VWA8: variants seen among roughly 807,000 people sequenced by gnomAD.
VWA8 encodes the protein von Willebrand factor A domain containing 8.
VWA8 carries 221 observed loss-of-function variants against 241.5 expected under a neutral mutation model. That is an observed-to-expected ratio of 0.91 (90% CI 0.82 to 1.02). The LOEUF (loss-of-function observed/expected upper bound fraction) is 1.02, where lower values mean the gene tolerates loss of function less well. Ranked by LOEUF, VWA8 falls within the 50% of genes least tolerant of loss-of-function variation. The probability of loss-of-function intolerance (pLI) is 0.00; values close to 1 mark genes in which losing one functional copy is unlikely to be tolerated. For missense variants in VWA8, 2,322 were observed against 2,328.7 expected (o/e 1.00, Z 0.06); for synonymous variants, 852 against 827.1 (o/e 1.03, Z -0.52).
chr13:41,675,269 T>C lies in VWA8; in HGVS notation c.4355A>G (p.Tyr1452Cys), dbSNP rs749766901. 4 of 1,613,132 alleles carry C rather than the reference T, an allele frequency of 2.5e-6. No individual in the cohort carries two copies. The highest frequency in any genetic ancestry group is 1.7e-5 in the Admixed American group (1 of 59,942). Residue 1452 changes from tyrosine to cysteine, a missense_variant, in exon 36 of 45, where the codon TAT becomes TGT. Tyr to Cys is a radical substitution (Grantham distance 194). Coordinates refer to ENST00000379310, the MANE Select transcript of VWA8 (RefSeq NM_015058.2). ...KDVTPPQTSG[Y>C]IEVTDLQSKK... is the part of the protein sequence containing the mutation. ...TGATTGAAGATCAGTGACTTCTATA[T>C]AACCAGATGTTTGTGGAGGAGTAAC...
chr13:41,607,886 T>C (rs1405293014), intron 39 of VWA8, among the ~76,000 whole-genome samples: 1 of 152,054 alleles, frequency 6.6e-6, no homozygotes, highest in African/African-American at 2.4e-5. Flanking sequence ...AAGGTACTGA[T>C]ATTAGGACAG....
intron 21 of VWA8, among the ~76,000 whole-genome samples, chr13:41,747,582 C>G (rs534739601): frequency 4.7e-4 from 72 of 152,270 alleles, no homozygotes; most frequent in Admixed American, 4.6e-3. Flanking sequence ...TAATCGAATA[C>G]CCTTTATTTC....
chr13:41,873,033 A>C (rs941929900), intron 9 of VWA8, among the ~76,000 whole-genome samples: 1 of 152,156 alleles, frequency 6.6e-6, no homozygotes, highest in Non-Finnish European at 1.5e-5. Flanking sequence ...ATCCCTTATA[A>C]GGTGGATTCC....
At chr13:41,612,454 A>C (rs1277235544) in intron 38 of VWA8, among the ~76,000 whole-genome samples, 1 of 152,256 alleles carries the variant, frequency 6.6e-6, no homozygotes, top group Non-Finnish European at 1.5e-5. Flanking sequence ...ATAACATAAC[A>C]TTGTATGAAC....
At chr13:41,720,436 A>G (rs1351143046) in intron 25 of VWA8, among the ~76,000 whole-genome samples, 1 of 152,132 alleles carries the variant, frequency 6.6e-6, no homozygotes, top group African/African-American at 2.4e-5. Context: ...ATAACTGTAT[A>G]TATTTATGGG....
rs530244957 is a variant in VWA8 at position 41,621,192 on chromosome 13, A to T, written c.4612-6108T>A. ...CTTTTAGTATAATATTTAATAAGTT[A>T]TATGAGATATTCAACACTTTATTAT... On this transcript the variant is annotated intron_variant, in intron 37 of 44. Transcript: ENST00000379310. 3.4e-4 allele frequency among the ~76,000 whole-genome samples: 52 copies of T among 152,362 alleles called. 1 individual carries two copies. The South Asian group carries it at 0.011, about 31-fold the overall frequency.
intron 30 of VWA8, among the ~76,000 whole-genome samples, 158 bp from the exon 31 acceptor site, chr13:41,692,096 T>C (rs531077963): frequency 6.6e-6 from 1 of 152,214 alleles, no homozygotes; most frequent in Admixed American, 6.6e-5. Context: ...ACTCTTATGG[T>C]AAAATGGATT....
chr13:41,953,813 A>G (rs1446580355), intron 1 of VWA8, among the ~76,000 whole-genome samples: 1 of 151,950 alleles, frequency 6.6e-6, no homozygotes, highest in Non-Finnish European at 1.5e-5. Flanking sequence ...CTGTGTCAAA[A>G]AAAATTAAAA....
intron 9 of VWA8, among the ~76,000 whole-genome samples, chr13:41,882,252 C>T (rs9594645): frequency 0.26 from 38,582 of 149,802 alleles, 5,497 homozygotes; most frequent in Non-Finnish European, 0.31. Flanking sequence ...GGATGGCGAC[C>T]GGGAAGAGGC....
intron 14 of VWA8, among the ~76,000 whole-genome samples, chr13:41,823,125 A>T (rs548835725): frequency 8.5e-5 from 13 of 152,272 alleles, no homozygotes; most frequent in East Asian, 5.8e-4. Flanking sequence ...GAATTTTTTT[A>T]AAAAATTTAT....
chr13:41,903,094 T>G (rs1230418481), intron 4 of VWA8, among the ~76,000 whole-genome samples: 2 of 152,112 alleles, frequency 1.3e-5, no homozygotes, highest in African/African-American at 4.8e-5. Flanking sequence ...ATAAAATAAA[T>G]GCAAAGGCCT....
At chr13:41,960,798 G>A in intron 1 of VWA8, 55 bp downstream of exon 1, 1 of 1,474,474 alleles carries the variant, frequency 6.8e-7, no homozygotes, top group Non-Finnish European at 8.9e-7. Flanking sequence ...GGCGCGCGGG[G>A]ACCCGGCACG....
At chr13:41,731,570 C>T (rs2045483851) in intron 22 of VWA8, among the ~76,000 whole-genome samples, 1 of 152,154 alleles carries the variant, frequency 6.6e-6, no homozygotes, top group African/African-American at 2.4e-5. Flanking sequence ...CATATATCCT[C>T]TCCTAAAATG....
chr13:41,651,490 C>G (rs1368735952), intron 37 of VWA8, among the ~76,000 whole-genome samples: 1 of 152,124 alleles, frequency 6.6e-6, no homozygotes, highest in Non-Finnish European at 1.5e-5. Flanking sequence ...CTATAAAAAG[C>G]CACGTAGTAA....
chr13:41,701,426 T>C lies in VWA8; in HGVS notation c.3330A>G (p.Glu1110=). 6.2e-7 allele frequency: 1 copy of C among 1,609,240 alleles called. No homozygotes were observed. Among genetic ancestry groups the C allele is most frequent in the Non-Finnish European group, 8.5e-7 (1 of 1,178,382 alleles). Residue 1110 remains glutamate, a synonymous_variant, in exon 28 of 45, where the codon GAA becomes GAG. Transcript: ENST00000379310. ...ECASWRIPLD[E]INIICDIATS... ...TAGCAATGTCACAGATTATATTAATTTCATCCAATGGTATTCTCCATGAGG... is the reference window on the plus strand; with the variant it reads ...TAGCAATGTCACAGATTATATTAATCTCATCCAATGGTATTCTCCATGAGG...
At chr13:41,699,024 T>C in intron 29 of VWA8, 47 bp downstream of exon 29, 1 of 1,609,746 alleles carries the variant, frequency 6.2e-7, no homozygotes, top group Non-Finnish European at 8.5e-7. Context: ...CACTCTTGCC[T>C]TTCATGTAAG....
chr13:41,748,660 G>T (rs1412776078), intron 21 of VWA8, among the ~76,000 whole-genome samples: 1 of 151,966 alleles, frequency 6.6e-6, no homozygotes, highest in Non-Finnish European at 1.5e-5. Context: ...CCAAAACAGA[G>T]ATATAGACCA....
chr13:41,905,208 A>G (rs915057096), intron 4 of VWA8: 2 of 152,034 alleles, frequency 1.3e-5, no homozygotes, highest in African/African-American at 4.8e-5. Context: ...CAAATTCATA[A>G]AGCATTCCAT....
At chr13:41,726,885 C>T (rs535080162) in intron 24 of VWA8, among the ~76,000 whole-genome samples, 1 of 152,170 alleles carries the variant, frequency 6.6e-6, no homozygotes, top group South Asian at 2.1e-4. Context: ...ATCCCTACTA[C>T]TGGGGAGGCT....
Sources: allele counts gnomAD v4.1 joint callset (sites outside exome capture counted in the v4.1 genomes callset), GRCh38; gene constraint gnomAD v4.1.1; transcripts MANE v1.5; gene names NCBI Gene and HGNC (gene_info 2026-07-23, HGNC 2026-07-21).